The following NOL8 variants were observed in gnomAD, a reference collection of about 807,000 sequenced individuals.
NOL8 encodes nucleolar protein 8, also known as nucleolar protein Nop132.
In NOL8, 93 loss-of-function variants were observed where a neutral mutation model predicts 116.1. That is an observed-to-expected ratio of 0.80 (90% CI 0.68 to 0.95). The LOEUF (loss-of-function observed/expected upper bound fraction) is 0.95, where lower values mean the gene tolerates loss of function less well. Ranked by LOEUF, NOL8 falls within the 40% of genes least tolerant of loss-of-function variation. The probability of loss-of-function intolerance (pLI) is 0.00; values close to 1 mark genes in which losing one functional copy is unlikely to be tolerated. For synonymous variants in NOL8, 419 were observed against 469.0 expected (o/e 0.89, Z 1.38); for missense variants, 1,291 against 1,382.8 (o/e 0.93, Z 1.05).
In NOL8 at chr9:92,315,840, A is replaced by C; in HGVS notation, c.785T>G (p.Ile262Ser). ...QAAQKRTCDS[I>S]TPSKSSPVPV... ...TACAGGAGATGATTTAGAAGGAGTA[A>C]TGGAATCACAAGTTCTTTTTTGTGC... The change falls in exon 7 of 17, where the codon ATT becomes AGT. Residue 262 changes from isoleucine to serine, a missense_variant. By Grantham distance (142) the Ile-to-Ser change is moderately radical. Coordinates refer to ENST00000442668, the MANE Select transcript of NOL8 (RefSeq NM_017948.6). 1 of 1,613,986 alleles carries C rather than the reference A, an allele frequency of 6.2e-7. No individual in the cohort carries two copies. Among genetic ancestry groups the C allele is most frequent in the Non-Finnish European group, 8.5e-7 (1 of 1,179,874 alleles).
In NOL8 at chr9:92,297,870, T is replaced by C; in HGVS notation, c.3470A>G (p.His1157Arg). Reference protein sequence around the residue: ...TNLRMDCRKKHKDAKRKMKPK With the variant: ...TNLRMDCRKKRKDAKRKMKPK Reference sequence around the variant, plus strand: ...TTTCATTTTCCTTTTTGCGTCTTTATGTTTCTTTCGACAATCCTAGGAAAA... The same window carrying C: ...TTTCATTTTCCTTTTTGCGTCTTTACGTTTCTTTCGACAATCCTAGGAAAA... The change falls in exon 17 of 17, where the codon CAT (histidine) becomes CGT (arginine). Residue 1157 changes from histidine (H) to arginine (R), a missense_variant. Transcript: ENST00000442668. 1.9e-6 allele frequency: 3 copies of C among 1,548,312 alleles called. No homozygotes were observed. The highest frequency in any genetic ancestry group is 1.7e-4 in the Middle Eastern group (1 of 5,974).
Position 92,314,956 on chromosome 9 carries a change from C to T in NOL8, c.1669G>A (p.Gly557Ser), listed in dbSNP as rs1450901065. The T allele has an allele frequency of 9.3e-6, 15 of 1,613,928 alleles. No individual in the cohort carries two copies. The highest frequency in any genetic ancestry group is 1.3e-5 in the African/African-American group (1 of 75,030). ...SLLEGEENTC[G>S]KQKPKENNLK... ...TTGTTTTCCTTTGGTTTCTGTTTGC[C>T]ACAGGTGTTCTCCTCTCCTTCTAAC... Residue 557 changes from glycine (G) to serine (S), a missense_variant, in exon 7 of 17, where the codon GGC (glycine) becomes AGC (serine). Gly to Ser is a moderately conservative substitution (Grantham distance 56, BLOSUM62 0). Coordinates refer to ENST00000442668, the MANE Select transcript of NOL8 (RefSeq NM_017948.6).
In NOL8 at chr9:92,314,267, C is replaced by G. The variant is rs770328019; in HGVS notation, c.2358G>C (p.Leu786Phe). The change falls in exon 7 of 17, where the codon TTG (leucine) becomes TTC (phenylalanine). Residue 786 changes from leucine (L) to phenylalanine (F), a missense_variant and splice_region_variant. Physicochemically the swap from Leu to Phe is conservative, Grantham distance 22. Transcript: ENST00000442668. ...KKLVHNALAN[L>F]DGHPEDKPTH... ...ATCCATACATTGAAAATATACTCAC[C>G]AAATTTGCCAGAGCATTATGCACCA... is the stretch of plus-strand genomic sequence containing the variant. 1.5e-5 allele frequency: 23 copies of G among 1,552,680 alleles called. No individual in the cohort carries two copies. In the South Asian group the frequency reaches 1.7e-4, roughly 12 times the overall value.
chr9:92,317,334 A>C (rs1839503586), intron 6 of NOL8, among the ~76,000 whole-genome samples: 1 of 152,230 alleles, frequency 6.6e-6, no homozygotes, highest in African/African-American at 2.4e-5. Context: ...GGTGTGCCAA[A>C]AAGTGTCTAT....
intron 6 of NOL8, among the ~76,000 whole-genome samples, chr9:92,317,149 G>T (rs1839486848): frequency 6.6e-6 from 1 of 152,116 alleles, no homozygotes; most frequent in East Asian, 1.9e-4. Flanking sequence ...TTTTTGTAGA[G>T]TTACAGTCTC....
intron 10 of NOL8, among the ~76,000 whole-genome samples, chr9:92,309,435 T>C (rs1164854074): frequency 6.6e-6 from 1 of 151,364 alleles, no homozygotes; most frequent in Non-Finnish European, 1.5e-5. Context: ...ATGCAAGTGA[T>C]GAAAGGAGTA....
rs1839401110 is a variant in NOL8 at position 92,316,243 on chromosome 9, C to CT, written c.487-106_487-105insA. 2.2e-4 allele frequency: 279 copies of CT among 1,240,090 alleles called. 1 individual carries two copies. In the South Asian group the frequency reaches 4.3e-3, roughly 19 times the overall value. 76.8% of individuals were successfully genotyped at this position (1,240,090 alleles called of 1,614,324 possible). On this transcript the variant is annotated intron_variant, in intron 6 of 16. Transcript: ENST00000442668. ...AATCTCAAATAAGTCATTTCCCCCC[C>CT]CTTTCAGTTTCCTGTAAAAGAAAAT...
At chr9:92,306,848 GGAT>G (rs776206690) in intron 11 of NOL8, 35 bp downstream of exon 11, 52 of 1,584,976 alleles carry the variant, frequency 3.3e-5, no homozygotes, top group Non-Finnish European at 3.4e-5. Context: ...TTATGGCAAA[GGAT>G]GATATGGTAG....
At chr9:92,309,941 T>C (rs527612614) in intron 10 of NOL8, among the ~76,000 whole-genome samples, 125 of 152,238 alleles carry the variant, frequency 8.2e-4, no homozygotes, top group African/African-American at 2.7e-3. Context: ...AATGGTACCT[T>C]TGGTGGATGT....
rs1418482490 is a variant in NOL8, at chr9:92,314,573, A to G, written c.2052T>C (p.Leu684=). The part of the protein sequence containing the change: ...RPLEGKKSLS[L]SAKTHNIGFD... ...AGCCTATGTTGTGAGTCTTTGCACT[A>G]AGACTTAAGGACTTCTTACCTTCTA... Residue 684 remains leucine (L), a synonymous_variant, in exon 7 of 17, where the codon CTT becomes CTC. Transcript: ENST00000442668. 2.5e-6 allele frequency: 4 copies of G among 1,613,168 alleles called. No individual in the cohort carries two copies. Among genetic ancestry groups the G allele is most frequent in the South Asian group, 2.2e-5 (2 of 90,894 alleles).
chr9:92,299,721 C>T (rs989682665), intron 14 of NOL8, among the ~76,000 whole-genome samples, 169 bp downstream of exon 14: 1 of 150,896 alleles, frequency 6.6e-6, no homozygotes, highest in Non-Finnish European at 1.5e-5. Context: ...CATTGCACTA[C>T]AGCCTGGGCG....
Sources: allele counts gnomAD v4.1 joint callset (sites outside exome capture counted in the v4.1 genomes callset), GRCh38; gene constraint gnomAD v4.1.1; transcripts MANE v1.5; gene names NCBI Gene and HGNC (gene_info 2026-07-23, HGNC 2026-07-21).